The following ADGRG6 variants were observed in gnomAD, a reference collection of about 807,000 sequenced individuals.
ADGRG6 encodes the protein G-protein coupled receptor 126.
In ADGRG6, 84 loss-of-function variants were observed where a neutral mutation model predicts 142.4. That is an observed-to-expected ratio of 0.59 (90% CI 0.49 to 0.71). The LOEUF is 0.71. Ranked by LOEUF, ADGRG6 falls within the 30% of genes least tolerant of loss-of-function variation. ADGRG6 has a pLI of 0.00. For synonymous variants in ADGRG6, 521 were observed against 520.5 expected (o/e 1.00, Z -0.01); for missense variants, 1,367 against 1,466.6 (o/e 0.93, Z 1.11).
At chr6:142,367,147 C>A (rs1271314405) in intron 2 of ADGRG6, among the ~76,000 whole-genome samples, 1 of 152,048 alleles carries the variant, frequency 6.6e-6, no homozygotes, top group Non-Finnish European at 1.5e-5. Flanking sequence ...GGTTCTATAA[C>A]CCCCGCCACC....
intron 22 of ADGRG6, among the ~76,000 whole-genome samples, chr6:142,434,988 T>C (rs567673240): frequency 1.3e-5 from 2 of 152,278 alleles, no homozygotes; most frequent in Admixed American, 1.3e-4. Flanking sequence ...AGACTTATTT[T>C]GCAAATTTAT....
chr6:142,302,483 C>T, intron 1 of ADGRG6, 152 bp downstream of exon 1: 1 of 739,062 alleles, frequency 1.4e-6, no homozygotes, highest in Non-Finnish European at 2.2e-6. Context: ...CTTCAGTTTG[C>T]CCCTCGAGGC....
At chr6:142,311,737 A>AT (rs1453879684) in intron 2 of ADGRG6, among the ~76,000 whole-genome samples, 3 of 151,880 alleles carry the variant, frequency 2.0e-5, no homozygotes, top group African/African-American at 7.2e-5. Context: ...AGTGTCCACT[A>AT]AATCTGTATT....
intron 2 of ADGRG6, among the ~76,000 whole-genome samples, chr6:142,328,521 C>T (rs953171090): frequency 6.6e-6 from 1 of 152,082 alleles, no homozygotes; most frequent in African/African-American, 2.4e-5. Context: ...TTTCTGATTC[C>T]ATTTCTTTCA....
intron 2 of ADGRG6, among the ~76,000 whole-genome samples, chr6:142,355,335 G>C (rs1459041215): frequency 1.3e-5 from 2 of 151,954 alleles, no homozygotes; most frequent in Non-Finnish European, 2.9e-5. Context: ...CTGTGTTATA[G>C]TTTAGGGTTA....
chr6:142,314,859 G>C (rs550875373), intron 2 of ADGRG6, among the ~76,000 whole-genome samples: 4 of 152,180 alleles, frequency 2.6e-5, no homozygotes, highest in South Asian at 4.1e-4. Context: ...GATAAACCTA[G>C]CTGTCCTTCA....
At chr6:142,347,905 T>C (rs899015621) in intron 2 of ADGRG6, among the ~76,000 whole-genome samples, 3 of 152,192 alleles carry the variant, frequency 2.0e-5, no homozygotes, top group African/African-American at 7.2e-5. Flanking sequence ...TCTATGTTGG[T>C]TATTTTTTAT....
chr6:142,352,833 A>T (rs1449923319), intron 2 of ADGRG6, among the ~76,000 whole-genome samples: 1 of 152,028 alleles, frequency 6.6e-6, no homozygotes, highest in Non-Finnish European at 1.5e-5. Flanking sequence ...GTCTCTTCTT[A>T]TGAATTTGTA....
intron 2 of ADGRG6, among the ~76,000 whole-genome samples, chr6:142,330,227 G>A (rs1232675381): frequency 2.0e-5 from 3 of 151,792 alleles, no homozygotes; most frequent in Admixed American, 1.3e-4. Flanking sequence ...CATTGGATCA[G>A]GAAAAATAAC....
At chr6:142,379,754 G>A (rs559565186) in intron 4 of ADGRG6, among the ~76,000 whole-genome samples, 1 of 152,274 alleles carries the variant, frequency 6.6e-6, no homozygotes, top group East Asian at 1.9e-4. Flanking sequence ...GCAACAGAGC[G>A]AGACTCCATC....
intron 24 of ADGRG6, among the ~76,000 whole-genome samples, chr6:142,441,999 T>C (rs947800939): frequency 3.9e-5 from 6 of 152,336 alleles, no homozygotes; most frequent in African/African-American, 1.4e-4. Context: ...TAGCCCTCAT[T>C]GTATTTAGTG....
At chr6:142,354,245 G>A (rs1280422140) in intron 2 of ADGRG6, among the ~76,000 whole-genome samples, 1 of 152,174 alleles carries the variant, frequency 6.6e-6, no homozygotes, top group Non-Finnish European at 1.5e-5. Flanking sequence ...TGGGCGTGGT[G>A]GCACGCGCCT....
chr6:142,381,114 A>T (rs1781749360), intron 4 of ADGRG6, among the ~76,000 whole-genome samples: 1 of 152,208 alleles, frequency 6.6e-6, no homozygotes, highest in African/African-American at 2.4e-5. Context: ...TTACCTAGTT[A>T]TGTATCTTTT....
intron 2 of ADGRG6, among the ~76,000 whole-genome samples, chr6:142,330,059 AT>A (rs879310012): frequency 4.4e-4 from 65 of 146,408 alleles, no homozygotes; most frequent in East Asian, 2.2e-3. Context: ...TGCCACTGCA[AT>A]TTTTTTTTTT....
chr6:142,370,219 T>C lies in ADGRG6; in HGVS notation c.495T>C (p.Asp165=). The change falls in exon 4 of 25, where the codon GAT becomes GAC. Residue 165 remains aspartate, a synonymous_variant. Coordinates refer to ENST00000367609, the MANE Select transcript of ADGRG6 (RefSeq NM_198569.3). ...NQKVILPQTS[D]AYQVSVAKSI... ...AGGTCATTTTACCCCAGACATCAGA[T>C]GCTTACCAGGTATCTGTTGCAAAAA... 1 of 1,609,868 alleles carries C rather than the reference T, an allele frequency of 6.2e-7. No homozygotes were observed. The highest frequency in any genetic ancestry group is 8.5e-7 in the Non-Finnish European group (1 of 1,176,326).
intron 22 of ADGRG6, among the ~76,000 whole-genome samples, chr6:142,422,495 C>A (rs1379677262): frequency 6.6e-6 from 1 of 152,196 alleles, no homozygotes; most frequent in Non-Finnish European, 1.5e-5. Context: ...GACACGAACT[C>A]ATCATTTTTT....
intron 2 of ADGRG6, among the ~76,000 whole-genome samples, chr6:142,315,660 G>A (rs191113263): frequency 1.1e-4 from 16 of 151,812 alleles, no homozygotes; most frequent in East Asian, 5.8e-4. Context: ...GTGAAACCCC[G>A]ACTCTACTAA....
intron 3 of ADGRG6, among the ~76,000 whole-genome samples, 161 bp from the exon 4 acceptor site, chr6:142,370,009 G>T (rs1781156506): frequency 6.6e-6 from 1 of 152,004 alleles, no homozygotes; most frequent in Admixed American, 6.6e-5. Flanking sequence ...GATTGGTAAT[G>T]GGCTGGTGAC....
intron 2 of ADGRG6, among the ~76,000 whole-genome samples, chr6:142,328,734 T>G (rs1778902591): frequency 6.6e-6 from 1 of 152,126 alleles, no homozygotes; most frequent in Non-Finnish European, 1.5e-5. Flanking sequence ...TCCTTGGGCG[T>G]CATTACAGAC....
Sources: gnomAD v4.1 joint callset for allele counts (sites outside exome capture counted in the v4.1 genomes callset) on GRCh38, gnomAD v4.1.1 for gene constraint, MANE v1.5 for transcripts, NCBI Gene and HGNC (gene_info 2026-07-23, HGNC 2026-07-21) for gene names.